PIP4K2B: variants seen among roughly 807,000 people sequenced by gnomAD.
PIP4K2B encodes phosphatidylinositol-5-phosphate 4-kinase type 2 beta, also known as phosphatidylinositol 5-phosphate 4-kinase type-2 beta.
In PIP4K2B, 3 loss-of-function variants were observed where a neutral mutation model predicts 42.0. That is an observed-to-expected ratio of 0.07 (90% CI 0.03 to 0.18). PIP4K2B has a LOEUF of 0.18. Among genes scored for constraint, PIP4K2B ranks in the 10% least tolerant of loss-of-function variants. The pLI is 1.00. For missense variants in PIP4K2B, 332 were observed against 562.3 expected, an observed-to-expected ratio of 0.59 and a Z score of 4.14; for synonymous variants, 204 against 210.1, an observed-to-expected ratio of 0.97 and a Z score of 0.25.
chr17:38,785,877 A>G (rs1454995154), intron 2 of PIP4K2B, among the ~76,000 whole-genome samples: 1 of 152,170 alleles, frequency 6.6e-6, no homozygotes, highest in Non-Finnish European at 1.5e-5. Flanking sequence ...TCTGAGTCAG[A>G]ACAACCTTCT....
chr17:38,770,278 G>A (rs550589338), intron 9 of PIP4K2B, among the ~76,000 whole-genome samples, 158 bp downstream of exon 9: 31 of 152,296 alleles, frequency 2.0e-4, no homozygotes, highest in Non-Finnish European at 8.8e-5. Flanking sequence ...AACATGGCAA[G>A]GCAGGCAGGC....
chr17:38,784,139 C>A, intron 3 of PIP4K2B, 104 bp downstream of exon 3: 1 of 708,186 alleles, frequency 1.4e-6, no homozygotes, highest in South Asian at 1.8e-5. Flanking sequence ...GACAGGGAGA[C>A]ACAGCACAAA....
intron 1 of PIP4K2B, among the ~76,000 whole-genome samples, chr17:38,789,051 T>G (rs993693659): frequency 3.3e-5 from 5 of 152,050 alleles, no homozygotes; most frequent in Admixed American, 1.3e-4. Flanking sequence ...GCCAGGAGTT[T>G]GAGGTTACAG....
At chr17:38,780,715 G>C (rs969097805) in intron 3 of PIP4K2B, 111 bp from the exon 4 acceptor site, 59 of 1,025,132 alleles carry the variant, frequency 5.8e-5, no homozygotes, top group Non-Finnish European at 8.0e-5. Context: ...CACTGAGATA[G>C]AGGGACTCCC....
At chr17:38,772,043 A>G (rs1909076665) in intron 7 of PIP4K2B, among the ~76,000 whole-genome samples, 1 of 152,188 alleles carries the variant, frequency 6.6e-6, no homozygotes, top group Non-Finnish European at 1.5e-5. Context: ...TTTTAAAAAA[A>G]GAGGCCATGG....
At chr17:38,784,937 A>G (rs2143424112) in intron 2 of PIP4K2B, among the ~76,000 whole-genome samples, 1 of 151,574 alleles carries the variant, frequency 6.6e-6, no homozygotes, top group African/African-American at 2.4e-5. Context: ...ACAAGGAAAA[A>G]CCTCTCTCAT....
chr17:38,770,041 TGGGGG>T (rs916901008), intron 9 of PIP4K2B, among the ~76,000 whole-genome samples: 12 of 152,044 alleles, frequency 7.9e-5, no homozygotes, highest in African/African-American at 2.7e-4. Context: ...TGGATCTCTG[TGGGGG>T]CCACTACATG....
chr17:38,783,195 C>CAAAAA (rs35913511), intron 3 of PIP4K2B, among the ~76,000 whole-genome samples: 10 of 55,890 alleles, frequency 1.8e-4, no homozygotes, highest in Admixed American at 5.5e-4. Flanking sequence ...AACTCCATCT[C>CAAAAA]AAAAAAAAAA....
At chr17:38,778,245 G>C in intron 6 of PIP4K2B, 89 bp downstream of exon 6, 1 of 1,164,090 alleles carries the variant, frequency 8.6e-7, no homozygotes, top group African/African-American at 1.5e-5. Context: ...AGCTGGGCTA[G>C]GGGCTGGGGT....
At position 38,786,884 on chromosome 17, in the gene PIP4K2B, G is replaced by A. The variant is rs745827529; in HGVS notation, c.196C>T (p.Leu66=). The A allele has an allele frequency of 3.7e-6, 6 of 1,613,264 alleles. No homozygotes were observed. Among genetic ancestry groups the A allele is most frequent in the African/African-American group, 1.3e-5 (1 of 74,914 alleles). ...TAGGCTTTGAAGTCATCTGGCATTA[G>A]CATGACAGGAACAGGAACATTGCTC... ...ELSNVPVPVM[L]MPDDFKAYSK... The change falls in exon 2 of 10, where the codon CTA becomes TTA. Residue 66 remains leucine, a synonymous_variant. Transcript: ENST00000619039.
At position 38,786,918 on chromosome 17, in the gene PIP4K2B, G is replaced by C. The variant is rs1421241285; in HGVS notation, c.162C>G (p.Ile54Met). ...GAACAGGAACATTGCTCAGCTCATT[G>C]ATCTGAAAAGCAAGGAGAACGTAAG... The part of the protein sequence containing the change: ...SVLMWGVNHT[I>M]NELSNVPVPV... Residue 54 changes from isoleucine (I) to methionine (M), a missense_variant and splice_region_variant, in exon 2 of 10, where the codon ATC becomes ATG. Coordinates refer to ENST00000619039, the MANE Select transcript of PIP4K2B (RefSeq NM_003559.5). 2.5e-6 allele frequency: 4 copies of C among 1,608,974 alleles called. No homozygotes were observed. In the Admixed American group the frequency reaches 6.7e-5, roughly 27 times the overall value.
Position 38,769,328 on chromosome 17 carries a change from T to G in PIP4K2B, c.*363A>C. On this transcript the variant is annotated 3_prime_UTR_variant, in exon 10 of 10. Transcript: ENST00000619039. ...ATTATAAATAGCAAACCTGGAGCAATGAAATTTCAGAAACAAAACCCAAAT... is the reference window on the plus strand; with the variant it reads ...ATTATAAATAGCAAACCTGGAGCAAGGAAATTTCAGAAACAAAACCCAAAT... 1 of 228,232 alleles carries G rather than the reference T, an allele frequency of 4.4e-6. No individual in the cohort carries two copies. Among genetic ancestry groups the G allele is most frequent in the Non-Finnish European group, 8.6e-6 (1 of 116,652 alleles). 14.1% of individuals were successfully genotyped at this position (228,232 alleles called of 1,614,324 possible). A position where few individuals can be genotyped will look rare whatever the true frequency, so the allele number is the denominator to read the frequency against.
chr17:38,790,200 G>T (rs1346354813), intron 1 of PIP4K2B, among the ~76,000 whole-genome samples: 2 of 152,158 alleles, frequency 1.3e-5, no homozygotes, highest in African/African-American at 4.8e-5. Flanking sequence ...AAAAACCCCA[G>T]AAGAGTCATG....
intron 2 of PIP4K2B, among the ~76,000 whole-genome samples, chr17:38,786,449 GA>G (rs1247296659): frequency 6.6e-6 from 1 of 152,176 alleles, no homozygotes; most frequent in Non-Finnish European, 1.5e-5. Context: ...CCCAGACCAA[GA>G]ACATGCCTGG....
At chr17:38,792,668 A>T (rs1232416142) in intron 1 of PIP4K2B, 1 of 152,204 alleles carries the variant, frequency 6.6e-6, no homozygotes, top group Non-Finnish European at 1.5e-5. Context: ...GGCCACCACC[A>T]GCAATCACTT....
chr17:38,769,459 G>C lies in PIP4K2B; in HGVS notation c.*232C>G. 2 of 516,832 alleles carry C rather than the reference G, an allele frequency of 3.9e-6. No homozygotes were observed. Among genetic ancestry groups the C allele is most frequent in the Admixed American group, 6.5e-5 (2 of 30,748 alleles). 32.0% of individuals were successfully genotyped at this position (516,832 alleles called of 1,614,324 possible). On this transcript the variant is annotated 3_prime_UTR_variant, in exon 10 of 10. Transcript: ENST00000619039. ...GTGTCAAATGGGGAGAAAAAATCAA[G>C]GGTAAGCAGAAGGTGGGGTTACATC... is the stretch of plus-strand genomic sequence containing the variant.
rs953598763 is a variant in PIP4K2B at position 38,779,668 on chromosome 17, GAAGT to G, written c.508-143_508-140del. The G allele has an allele frequency of 2.0e-5, 14 of 696,524 alleles. No individual in the cohort carries two copies. In the African/African-American group the frequency reaches 2.1e-4, roughly 11 times the overall value. 43.1% of individuals were successfully genotyped at this position (696,524 alleles called of 1,614,324 possible). On this transcript the variant is annotated intron_variant, in intron 4 of 9. Transcript: ENST00000619039. The stretch of plus-strand genomic sequence containing the variant: ...CAGTAGTTCTCCAGCTGGGTTCTAT[GAAGT>G]AATAGGGGTTTCTCAGGCTTAAAAT...
intron 1 of PIP4K2B, among the ~76,000 whole-genome samples, chr17:38,793,146 G>A (rs1334398585): frequency 6.6e-6 from 1 of 151,214 alleles, no homozygotes; most frequent in Non-Finnish European, 1.5e-5. Flanking sequence ...CCAGGCTGGT[G>A]TCAAACTCCT....
Position 38,771,262 on chromosome 17 carries a change from T to G in PIP4K2B, c.818A>C (p.Gln273Pro). ...CAGGCTGTAGTCCATGATCTTCAGC[T>G]GTGCCAAGAACTAGGAAGGGCAAGG... ...KLKRDVEFLAQLKIMDYSLLV... is the reference protein window; with the variant it reads ...KLKRDVEFLAPLKIMDYSLLV... The change falls in exon 8 of 10, where the codon CAG (glutamine) becomes CCG (proline). Residue 273 changes from glutamine (Q) to proline (P), a missense_variant. Gln to Pro is a moderately conservative substitution (Grantham distance 76). This residue lies in a region of PIP4K2B where 26 missense variants were observed against 23.7 expected (regional missense o/e 1.10). Coordinates refer to ENST00000619039, the MANE Select transcript of PIP4K2B (RefSeq NM_003559.5). 1 of 1,614,066 alleles carries G rather than the reference T, an allele frequency of 6.2e-7. No individual in the cohort carries two copies. The highest frequency in any genetic ancestry group is 1.1e-5 in the South Asian group (1 of 91,080).
Sources: gnomAD v4.1 joint callset for allele counts (sites outside exome capture counted in the v4.1 genomes callset) on GRCh38, gnomAD v4.1.1 for gene constraint, gnomAD v4.1.1 regional missense constraint, MANE v1.5 for transcripts, NCBI Gene and HGNC (gene_info 2026-07-23, HGNC 2026-07-21) for gene names.